WDR72: variants seen among roughly 807,000 people sequenced by gnomAD.
WDR72 encodes the protein WD repeat-containing protein 72.
WDR72 carries 120 observed loss-of-function variants against 124.2 expected under a neutral mutation model. The ratio of observed to expected loss-of-function variants is 0.97; its 90% CI spans 0.83 to 1.12. The LOEUF (loss-of-function observed/expected upper bound fraction) is 1.12, where lower values mean the gene tolerates loss of function less well. WDR72 is among the 50% of genes most tolerant of loss of function. The pLI, the probability that WDR72 is intolerant of heterozygous loss-of-function variation, is 0.00. For synonymous variants in WDR72, 452 were observed against 441.7 expected (o/e 1.02, Z -0.29); for missense variants, 1,387 against 1,278.8 (o/e 1.08, Z -1.29).
intron 13 of WDR72, among the ~76,000 whole-genome samples, chr15:53,697,704 G>A (rs924508093): frequency 6.6e-6 from 1 of 152,112 alleles, no homozygotes; most frequent in African/African-American, 2.4e-5. Context: ...TTCCTGCCAG[G>A]ACTGTGACTG....
At chr15:53,538,968 T>A (rs913928753) in intron 18 of WDR72, among the ~76,000 whole-genome samples, 2 of 152,202 alleles carry the variant, frequency 1.3e-5, no homozygotes, top group Non-Finnish European at 2.9e-5. Context: ...AGCAATATTC[T>A]ATATTTGAGC....
intron 12 of WDR72, among the ~76,000 whole-genome samples, chr15:53,701,533 C>CCT (rs1257852154): frequency 5.3e-5 from 3 of 56,270 alleles, no homozygotes; most frequent in Non-Finnish European, 7.2e-5. Context: ...AAAGTGAGAC[C>CCT]CTGTCTCTCT....
chr15:53,525,713 A>T (rs996908314), intron 18 of WDR72, among the ~76,000 whole-genome samples: 4 of 152,062 alleles, frequency 2.6e-5, no homozygotes, highest in Non-Finnish European at 5.9e-5. Flanking sequence ...ACCATGCTAC[A>T]ACTTTGCTTC....
chr15:53,668,947 C>CAGGAGGAGG lies in WDR72; in HGVS notation c.1766-3188_1766-3180dup, dbSNP rs143700484. On this transcript the variant is annotated intron_variant, in intron 13 of 19. Transcript: ENST00000360509. ...GAGGAAGGAGGAGGAGGAGGAGGAG[C>CAGGAGGAGG]AGGAGGAGGAGGAGAAGGAGGAGGA... Among the ~76,000 whole-genome samples, 287 of 83,786 alleles carry CAGGAGGAGG rather than the reference C, an allele frequency of 3.4e-3. 3 individuals carry two copies. Among genetic ancestry groups the CAGGAGGAGG allele is most frequent in the South Asian group, 0.029 (44 of 1,540 alleles). 55.0% of individuals were successfully genotyped at this position (83,786 alleles called of 152,430 possible).
intron 14 of WDR72, among the ~76,000 whole-genome samples, chr15:53,642,195 A>T (rs766793996): frequency 4.6e-5 from 7 of 152,034 alleles, no homozygotes; most frequent in Non-Finnish European, 8.8e-5. Context: ...ATGAAAGAAG[A>T]GTGACATTAT....
intron 17 of WDR72, among the ~76,000 whole-genome samples, chr15:53,603,780 G>A (rs1433570340): frequency 1.3e-5 from 2 of 152,054 alleles, no homozygotes; most frequent in African/African-American, 4.8e-5. Flanking sequence ...AACTAGAAAG[G>A]TGAAGGATCT....
At chr15:53,603,228 G>C (rs960515756) in intron 17 of WDR72, among the ~76,000 whole-genome samples, 40 of 151,706 alleles carry the variant, frequency 2.6e-4, no homozygotes, top group African/African-American at 9.4e-4. Context: ...CAGAACTAAA[G>C]ACAAAAACCA....
intron 1 of WDR72, among the ~76,000 whole-genome samples, chr15:53,752,401 G>C (rs2018796906): frequency 6.6e-6 from 1 of 152,152 alleles, no homozygotes; most frequent in Non-Finnish European, 1.5e-5. Context: ...CTGACTGGTA[G>C]TCATATAAAA....
chr15:53,649,944 AT>A (rs1474685608), intron 14 of WDR72, among the ~76,000 whole-genome samples: 1 of 152,180 alleles, frequency 6.6e-6, no homozygotes, highest in African/African-American at 2.4e-5. Flanking sequence ...ACTTCTGGGT[AT>A]TTATCCAAAA....
chr15:53,716,760 T>C (rs2017723114), intron 3 of WDR72, 75 bp from the exon 4 acceptor site: 1 of 1,002,898 alleles, frequency 1.0e-6, no homozygotes, highest in Non-Finnish European at 1.5e-6. Context: ...TGCCACCAAG[T>C]TTTTCTTTAG....
intron 15 of WDR72, among the ~76,000 whole-genome samples, chr15:53,614,529 A>G (rs1165214181): frequency 6.6e-6 from 1 of 152,114 alleles, no homozygotes; most frequent in Non-Finnish European, 1.5e-5. Flanking sequence ...ACGTGTGACA[A>G]CATTTGAAAG....
chr15:53,617,153 A>T (rs1436477982), intron 14 of WDR72, among the ~76,000 whole-genome samples: 1 of 151,944 alleles, frequency 6.6e-6, no homozygotes, highest in East Asian at 1.9e-4. Context: ...GGTGAAAAAC[A>T]TGTTATTAGG....
At chr15:53,758,088 C>G (rs1254851568) in intron 1 of WDR72, among the ~76,000 whole-genome samples, 1 of 152,082 alleles carries the variant, frequency 6.6e-6, no homozygotes, top group East Asian at 1.9e-4. Context: ...TCACTGCAAT[C>G]TCGACCTCTC....
At chr15:53,757,320 G>A (rs760794232) in intron 1 of WDR72, among the ~76,000 whole-genome samples, 2 of 152,104 alleles carry the variant, frequency 1.3e-5, no homozygotes, top group Non-Finnish European at 2.9e-5. Flanking sequence ...TTATGATGTA[G>A]CGATAGAATT....
At chr15:53,749,775 A>G (rs889987662) in intron 1 of WDR72, among the ~76,000 whole-genome samples, 13 of 152,180 alleles carry the variant, frequency 8.5e-5, no homozygotes, top group African/African-American at 2.9e-4. Flanking sequence ...GACCGAAACA[A>G]TTGCTGATAT....
chr15:53,722,792 C>T lies in WDR72; in HGVS notation c.260+10G>A, dbSNP rs764081764. 2.5e-5 allele frequency: 41 copies of T among 1,612,076 alleles called. No homozygotes were observed. The highest frequency in any genetic ancestry group is 3.4e-5 in the Non-Finnish European group (40 of 1,178,258). ...TGGAGAAGGGGACAAAGTTTACATA[C>T]CATACCTACCCATTTTCAGCAGCAC... On this transcript the variant is annotated intron_variant, in intron 3 of 19. Transcript: ENST00000360509.
rs536730529 is a variant in WDR72, at chr15:53,659,899, A to G, written c.1962+5673T>C. On this transcript the variant is annotated intron_variant, in intron 14 of 19. Coordinates refer to ENST00000360509, the MANE Select transcript of WDR72 (RefSeq NM_182758.4). Reference sequence around the variant, plus strand: ...ATTCCATCTTCCTAGGCTGGGTATTATCATTTAGGTACTACAGTTTTAAGT... The same window carrying G: ...ATTCCATCTTCCTAGGCTGGGTATTGTCATTTAGGTACTACAGTTTTAAGT... Among the ~76,000 whole-genome samples, 5 of 152,248 alleles carry G rather than the reference A, an allele frequency of 3.3e-5. No homozygotes were observed. In the South Asian group the frequency reaches 1.0e-3, roughly 32 times the overall value.
chr15:53,667,499 C>G (rs1456766949), intron 13 of WDR72, among the ~76,000 whole-genome samples: 1 of 152,078 alleles, frequency 6.6e-6, no homozygotes, highest in Non-Finnish European at 1.5e-5. Flanking sequence ...TATAGATCAA[C>G]AAATGAAGCT....
intron 18 of WDR72, among the ~76,000 whole-genome samples, chr15:53,567,949 A>G (rs1894361466): frequency 6.6e-6 from 1 of 151,058 alleles, no homozygotes; most frequent in African/African-American, 2.4e-5. Flanking sequence ...CCATTTCATC[A>G]AGTTTTATCT....
Sources: gnomAD v4.1 joint callset for allele counts (sites outside exome capture counted in the v4.1 genomes callset) on GRCh38, gnomAD v4.1.1 for gene constraint, MANE v1.5 for transcripts, NCBI Gene and HGNC (gene_info 2026-07-23, HGNC 2026-07-21) for gene names.